The following IL1RAPL1 variants were observed in gnomAD, a reference collection of about 807,000 sequenced individuals.
IL1RAPL1 encodes the protein interleukin-1 receptor accessory protein-like 1.
Under a neutral mutation model 48.4 loss-of-function variants are expected in IL1RAPL1, and 3 were observed. That is an observed-to-expected ratio of 0.06 (90% CI 0.03 to 0.16). IL1RAPL1 has a LOEUF of 0.16. IL1RAPL1 is among the 10% of genes least tolerant of loss of function. The pLI is 1.00. For missense variants in IL1RAPL1, 349 were observed against 530.6 expected, an observed-to-expected ratio of 0.66 and a Z score of 3.36; for synonymous variants, 185 against 187.7, an observed-to-expected ratio of 0.99 and a Z score of 0.12.
intron 5 of IL1RAPL1, among the ~76,000 whole-genome samples, chrX:29,625,905 A>G (rs910318462): frequency 3.8e-4 from 42 of 111,662 alleles, no homozygotes; most frequent in African/African-American, 1.2e-3. Context: ...TTATGTAAGA[A>G]GGCAGCCTGC....
intron 2 of IL1RAPL1, among the ~76,000 whole-genome samples, chrX:28,799,123 A>G (rs193126987): frequency 4.7e-4 from 53 of 111,648 alleles, no homozygotes; most frequent in African/African-American, 1.7e-3. Context: ...TAGATGATCA[A>G]TTAGATGTGA....
At chrX:29,540,261 C>CAA (rs201495999) in intron 5 of IL1RAPL1, among the ~76,000 whole-genome samples, 93 of 98,835 alleles carry the variant, frequency 9.4e-4, no homozygotes, top group African/African-American at 3.0e-3. Context: ...TAAAATATTG[C>CAA]AAAAAAAAAA....
intron 6 of IL1RAPL1, among the ~76,000 whole-genome samples, chrX:29,895,904 A>G (rs753751055): frequency 6.9e-4 from 77 of 111,874 alleles, no homozygotes; most frequent in African/African-American, 2.4e-3. Flanking sequence ...AGGTAAGCCC[A>G]TTCTTGCATG....
intron 3 of IL1RAPL1, among the ~76,000 whole-genome samples, chrX:29,287,964 A>C (rs1247210462): frequency 9.0e-6 from 1 of 111,387 alleles, no homozygotes; most frequent in Non-Finnish European, 1.9e-5. Flanking sequence ...GTGAAGTCTA[A>C]AAATTCTGCC....
At chrX:28,827,142 G>C (rs773915710) in intron 2 of IL1RAPL1, among the ~76,000 whole-genome samples, 2 of 110,697 alleles carry the variant, frequency 1.8e-5, no homozygotes, top group African/African-American at 6.5e-5. Flanking sequence ...TTTTTTTGAT[G>C]TGCCATATTT....
chrX:29,374,669 A>C (rs1267370974), intron 3 of IL1RAPL1, among the ~76,000 whole-genome samples: 1 of 109,193 alleles, frequency 9.2e-6, no homozygotes, highest in African/African-American at 3.3e-5. Context: ...TCTGAACTAG[A>C]ATATTTGATA....
At chrX:28,730,225 C>T (rs962712639) in intron 1 of IL1RAPL1, among the ~76,000 whole-genome samples, 2 of 111,235 alleles carry the variant, frequency 1.8e-5, no homozygotes, top group African/African-American at 6.5e-5. Context: ...ATAGGAAATT[C>T]CCCTGCTTAA....
In IL1RAPL1 at chrX:29,416,568, A is replaced by G. The variant is rs767590709; in HGVS notation, c.703+17260A>G. ...AACAAACAAACAAACAACAACGAAA[A>G]CCTCAATGATGTGCCATAATAAGAT... On this transcript the variant is annotated intron_variant, in intron 5 of 10. Coordinates refer to ENST00000378993, the MANE Select transcript of IL1RAPL1 (RefSeq NM_014271.4). Among the ~76,000 whole-genome samples, 512 of 111,139 alleles carry G rather than the reference A, an allele frequency of 4.6e-3. 7 individuals are homozygous for G. The highest frequency in any genetic ancestry group is 6.7e-3 in the Non-Finnish European group (355 of 52,931).
chrX:28,844,188 A>G (rs1190077069), intron 2 of IL1RAPL1, among the ~76,000 whole-genome samples: 1 of 106,179 alleles, frequency 9.4e-6, no homozygotes, highest in Non-Finnish European at 1.9e-5. Context: ...CGGAAATTCA[A>G]ATTTCCCACC....
At chrX:29,109,682 T>C (rs1041248925) in intron 2 of IL1RAPL1, among the ~76,000 whole-genome samples, 22 of 110,935 alleles carry the variant, frequency 2.0e-4, no homozygotes, top group African/African-American at 6.9e-4. Context: ...TGCTAGTTTG[T>C]ACTCGGATTG....
At chrX:28,961,511 C>T (rs765508205) in intron 2 of IL1RAPL1, among the ~76,000 whole-genome samples, 1 of 110,915 alleles carries the variant, frequency 9.0e-6, no homozygotes, top group Non-Finnish European at 1.9e-5. Context: ...GTCCCCACCA[C>T]CTGACAGGCC....
chrX:28,873,582 A>T (rs1476977874), intron 2 of IL1RAPL1, among the ~76,000 whole-genome samples: 2 of 85,058 alleles, frequency 2.4e-5, no homozygotes, highest in Middle Eastern at 0.011. Flanking sequence ...CCCAGGCTGG[A>T]GTGCAGTGGC....
chrX:29,652,098 T>G (rs1925537848), intron 5 of IL1RAPL1, among the ~76,000 whole-genome samples: 1 of 111,742 alleles, frequency 8.9e-6, no homozygotes, highest in African/African-American at 3.2e-5. Context: ...AGCACACAAT[T>G]ACTGCCTTTT....
At chrX:29,412,334 T>C (rs1216833692) in intron 5 of IL1RAPL1, among the ~76,000 whole-genome samples, 3 of 111,598 alleles carry the variant, frequency 2.7e-5, no homozygotes, top group Non-Finnish European at 5.6e-5. Context: ...ACAACTGGGC[T>C]GTCCAATATA....
intron 2 of IL1RAPL1, among the ~76,000 whole-genome samples, chrX:28,887,315 A>G (rs962061301): frequency 1.8e-5 from 2 of 112,248 alleles, no homozygotes; most frequent in African/African-American, 6.5e-5. Flanking sequence ...CTCACCTGAC[A>G]TCAAAATGCC....
chrX:29,136,437 T>A (rs1346185070), intron 2 of IL1RAPL1, among the ~76,000 whole-genome samples: 1 of 112,006 alleles, frequency 8.9e-6, no homozygotes, highest in African/African-American at 3.2e-5. Context: ...GCATTTGAAC[T>A]CTTTATTCTA....
chrX:29,909,656 G>A (rs987868277), intron 6 of IL1RAPL1, among the ~76,000 whole-genome samples: 11 of 111,422 alleles, frequency 9.9e-5, no homozygotes, highest in Non-Finnish European at 1.7e-4. Context: ...ACAAACAAAT[G>A]GAAAAACATT....
chrX:29,741,935 G>GAAAAAAAAAAAAAAAAA (rs1182352727), intron 6 of IL1RAPL1, among the ~76,000 whole-genome samples: 4 of 61,828 alleles, frequency 6.5e-5, no homozygotes, highest in Admixed American at 2.1e-4. Context: ...AAAAAAAAAA[G>GAAAAAAAAAAAAAAAAA]AAAAAAAAAA....
At chrX:29,201,039 A>T (rs1340557973) in intron 2 of IL1RAPL1, among the ~76,000 whole-genome samples, 2 of 110,483 alleles carry the variant, frequency 1.8e-5, no homozygotes, top group Non-Finnish European at 3.8e-5. Context: ...TTACATGGGA[A>T]TTTTTCATTC....
Sources: gnomAD v4.1 joint callset for allele counts (sites outside exome capture counted in the v4.1 genomes callset) on GRCh38, gnomAD v4.1.1 for gene constraint, MANE v1.5 for transcripts, NCBI Gene and HGNC (gene_info 2026-07-23, HGNC 2026-07-21) for gene names.